ACYP2: variants seen among roughly 807,000 people sequenced by gnomAD.
ACYP2 encodes the protein acylphosphatase-2.
ACYP2 carries 12 observed loss-of-function variants against 11.2 expected under a neutral mutation model. The observed-to-expected ratio is 1.08, with a 90% CI of 0.69 to 1.74. The LOEUF (loss-of-function observed/expected upper bound fraction) is 1.74. ACYP2 is among the 40% of genes most tolerant of loss of function. The probability of loss-of-function intolerance (pLI) is 0.00; values close to 1 mark genes in which losing one functional copy is unlikely to be tolerated. For missense variants in ACYP2, 134 were observed against 101.9 expected (o/e 1.31, Z -1.35); for synonymous variants, 43 against 32.2 (o/e 1.33, Z -1.13).
intron 6 of ACYP2, among the ~76,000 whole-genome samples, chr2:54,212,847 A>T (rs1038120335): frequency 6.6e-6 from 1 of 152,220 alleles, no homozygotes; most frequent in Non-Finnish European, 1.5e-5. Flanking sequence ...AAGTAAATTT[A>T]AATCACCTGT....
At chr2:54,041,338 TG>T (rs1675214409) in intron 2 of ACYP2, among the ~76,000 whole-genome samples, 1 of 152,052 alleles carries the variant, frequency 6.6e-6, no homozygotes, top group Non-Finnish European at 1.5e-5. Context: ...TGGGTGTTTG[TG>T]GGAGCTCTCT....
intron 2 of ACYP2, among the ~76,000 whole-genome samples, chr2:54,049,485 C>T (rs1675717008): frequency 6.6e-6 from 1 of 152,184 alleles, no homozygotes; most frequent in Non-Finnish European, 1.5e-5. Flanking sequence ...AAAACCTTCC[C>T]TTGTCAAAAT....
intron 2 of ACYP2, among the ~76,000 whole-genome samples, chr2:53,989,299 T>TTTTC (rs1553349087): frequency 4.0e-5 from 6 of 149,444 alleles, no homozygotes; most frequent in Non-Finnish European, 8.9e-5. Context: ...TTTTTTTTTT[T>TTTTC]TCACAGACAA....
intron 6 of ACYP2, among the ~76,000 whole-genome samples, chr2:54,239,928 G>GGATAAT (rs781638472): frequency 6.6e-6 from 1 of 151,928 alleles, no homozygotes; most frequent in African/African-American, 2.4e-5. Flanking sequence ...CTTCTGAGAA[G>GGATAAT]TACTTTAGAA....
intron 6 of ACYP2, among the ~76,000 whole-genome samples, chr2:54,240,987 G>T (rs1016447446): frequency 7.2e-5 from 11 of 152,038 alleles, no homozygotes; most frequent in Non-Finnish European, 1.3e-4. Flanking sequence ...ATTTTTCTTG[G>T]TAAAGTCTTT....
At chr2:54,149,433 C>A (rs966761642) in intron 6 of ACYP2, among the ~76,000 whole-genome samples, 1 of 152,180 alleles carries the variant, frequency 6.6e-6, no homozygotes, top group Non-Finnish European at 1.5e-5. Context: ...CTATATTATT[C>A]CAATTGCAGT....
chr2:54,219,637 G>C (rs1283741494), intron 6 of ACYP2, among the ~76,000 whole-genome samples: 1 of 151,792 alleles, frequency 6.6e-6, no homozygotes, highest in African/African-American at 2.4e-5. Flanking sequence ...TTTTGTTTTT[G>C]AGACGGAGTC....
chr2:54,165,572 C>T (rs1473591325), intron 6 of ACYP2, among the ~76,000 whole-genome samples: 4 of 150,062 alleles, frequency 2.7e-5, no homozygotes, highest in Non-Finnish European at 4.4e-5. Context: ...CACACACACA[C>T]ATTAGAGACA....
At chr2:54,266,002 TA>T (rs1472260974) in intron 6 of ACYP2, among the ~76,000 whole-genome samples, 3 of 152,158 alleles carry the variant, frequency 2.0e-5, no homozygotes, top group Non-Finnish European at 4.4e-5. Flanking sequence ...ATTATGCCCA[TA>T]AAAAAACCTC....
intron 4 of ACYP2, among the ~76,000 whole-genome samples, chr2:54,084,317 C>T (rs371424285): frequency 3.3e-5 from 5 of 152,230 alleles, no homozygotes; most frequent in South Asian, 2.1e-4. Flanking sequence ...TTTTCTGAGA[C>T]GGAGTCTCAC....
At chr2:54,248,312 T>C (rs1687055423) in intron 6 of ACYP2, among the ~76,000 whole-genome samples, 1 of 152,214 alleles carries the variant, frequency 6.6e-6, no homozygotes, top group Non-Finnish European at 1.5e-5. Context: ...AATTATTATT[T>C]ATTGACCATA....
intron 2 of ACYP2, among the ~76,000 whole-genome samples, chr2:53,987,991 C>G (rs1672113006): frequency 6.6e-6 from 1 of 152,066 alleles, no homozygotes; most frequent in Non-Finnish European, 1.5e-5. Flanking sequence ...GGATCTTTTA[C>G]AGAGCAAAAG....
chr2:54,129,151 A>G (rs1481211261), intron 4 of ACYP2, among the ~76,000 whole-genome samples: 1 of 152,224 alleles, frequency 6.6e-6, no homozygotes, highest in African/African-American at 2.4e-5. Context: ...CATGATGCAA[A>G]TATTATGCAC....
At chr2:54,254,718 T>C (rs984253220) in intron 6 of ACYP2, 19 of 575,676 alleles carry the variant, frequency 3.3e-5, no homozygotes, top group Non-Finnish European at 5.5e-5. Flanking sequence ...TAATGCAGAA[T>C]AGCAAGACGA....
Position 54,153,689 on chromosome 2 carries a change from T to C in ACYP2, c.404+14941T>C, listed in dbSNP as rs1402695664. ...ATCTCGGCTCACTGCAAGCTCTGCC[T>C]CCTGGGTTCACACCATTCTCCTGCC... On this transcript the variant is annotated intron_variant, in intron 6 of 6. Transcript: ENST00000607452. 3.3e-5 allele frequency among the ~76,000 whole-genome samples: 5 copies of C among 150,844 alleles called. No individual in the cohort carries two copies. The East Asian group carries it at 7.9e-4, about 24-fold the overall frequency.
In ACYP2 at chr2:54,103,946, G is replaced by A. The variant is rs147306963; in HGVS notation, c.278-31507G>A. ...CAGAGGAAATGCCTGCAGCTACACT[G>A]AATACAGATGCCAGTCAGATCCTGC... On this transcript the variant is annotated intron_variant, in intron 4 of 6. Coordinates refer to ENST00000607452, the MANE Select transcript of ACYP2 (RefSeq NM_001320586.2). Among the ~76,000 whole-genome samples the A allele has an allele frequency of 5.0e-3, 765 of 152,312 alleles. 2 individuals carry two copies. Among genetic ancestry groups the A allele is most frequent in the Middle Eastern group, 0.017 (5 of 294 alleles).
At chr2:54,021,479 A>G (rs1573538712) in intron 2 of ACYP2, among the ~76,000 whole-genome samples, 1 of 152,184 alleles carries the variant, frequency 6.6e-6, no homozygotes, top group Non-Finnish European at 1.5e-5. Flanking sequence ...TTGAAGAGGA[A>G]TTTATTATAT....
chr2:54,233,819 C>T (rs189420838), intron 6 of ACYP2, among the ~76,000 whole-genome samples: 5 of 151,986 alleles, frequency 3.3e-5, no homozygotes, highest in African/African-American at 4.8e-5. Flanking sequence ...AAAAAGGTCA[C>T]GGGAAAATGG....
At chr2:54,178,529 G>A (rs979538743) in intron 6 of ACYP2, among the ~76,000 whole-genome samples, 3 of 152,112 alleles carry the variant, frequency 2.0e-5, no homozygotes, top group Non-Finnish European at 2.9e-5. Context: ...CCCAGTTCAG[G>A]GCTCTTCATT....
Sources: gnomAD v4.1 joint callset for allele counts (sites outside exome capture counted in the v4.1 genomes callset) on GRCh38, gnomAD v4.1.1 for gene constraint, MANE v1.5 for transcripts, NCBI Gene and HGNC (gene_info 2026-07-23, HGNC 2026-07-21) for gene names.